The following ADK variants were observed in gnomAD, a reference collection of about 807,000 sequenced individuals.
ADK encodes N6,N6-dimethyladenosine kinase.
Under a neutral mutation model 44.7 loss-of-function variants are expected in ADK, and 24 were observed. That is an observed-to-expected ratio of 0.54 (90% CI 0.39 to 0.76). The LOEUF (loss-of-function observed/expected upper bound fraction) is 0.76. ADK is among the 30% of genes least tolerant of loss of function. The pLI is 0.00. For missense variants in ADK, 321 were observed against 425.1 expected (o/e 0.76, Z 2.15); for synonymous variants, 128 against 142.6 (o/e 0.90, Z 0.73).
At chr10:74,588,468 A>G (rs1851604128) in intron 7 of ADK, among the ~76,000 whole-genome samples, 1 of 152,190 alleles carries the variant, frequency 6.6e-6, no homozygotes, top group Admixed American at 6.5e-5. Context: ...GAATGTTTTC[A>G]GTTGCTTTCT....
At chr10:74,427,375 T>G (rs1045319501) in intron 6 of ADK, among the ~76,000 whole-genome samples, 5 of 152,084 alleles carry the variant, frequency 3.3e-5, no homozygotes, top group Non-Finnish European at 2.9e-5. Flanking sequence ...ATTTTTTGTA[T>G]TTTTAGTAGA....
chr10:74,528,992 T>C (rs1327432918), intron 7 of ADK, among the ~76,000 whole-genome samples: 1 of 152,174 alleles, frequency 6.6e-6, no homozygotes, highest in African/African-American at 2.4e-5. Flanking sequence ...TATTACCATA[T>C]GATCTAGCAG....
chr10:74,554,747 C>T (rs1850174603), intron 7 of ADK, among the ~76,000 whole-genome samples: 1 of 150,108 alleles, frequency 6.7e-6, no homozygotes, highest in South Asian at 2.1e-4. Flanking sequence ...GAGTTTGAGA[C>T]CAGCCTGGAC....
At chr10:74,187,306 TGATA>T (rs747725582) in intron 1 of ADK, among the ~76,000 whole-genome samples, 5 of 152,214 alleles carry the variant, frequency 3.3e-5, no homozygotes, top group Non-Finnish European at 7.3e-5. Context: ...ATTTATCACT[TGATA>T]GATATTTGGA....
chr10:74,230,570 A>G (rs7081350), intron 3 of ADK, among the ~76,000 whole-genome samples: 31,415 of 151,460 alleles, frequency 0.21, 4,401 homozygotes, highest in African/African-American at 0.4. Context: ...TTTAGAGATG[A>G]GGTCTCCTTA....
intron 2 of ADK, among the ~76,000 whole-genome samples, chr10:74,222,760 A>G (rs1844366255): frequency 6.6e-6 from 1 of 151,628 alleles, no homozygotes; most frequent in Admixed American, 6.6e-5. Flanking sequence ...CTATCACAAG[A>G]ACAAAAAACC....
At chr10:74,187,246 AT>A (rs1564580208) in intron 1 of ADK, among the ~76,000 whole-genome samples, 1 of 152,192 alleles carries the variant, frequency 6.6e-6, no homozygotes, top group Non-Finnish European at 1.5e-5. Context: ...CATTTCTGAA[AT>A]ATTATCACTG....
Position 74,328,283 on chromosome 10 carries a change from T to C in ADK, c.273+13538T>C, listed in dbSNP as rs375374348. On this transcript the variant is annotated intron_variant, in intron 4 of 10. Coordinates refer to ENST00000539909, the MANE Select transcript of ADK (RefSeq NM_006721.4). ...ATCCCACTATCAATTGTTGTAGTTATAATTATTTTTAATAGTTTTATCTTT... is the reference window on the plus strand; with the variant it reads ...ATCCCACTATCAATTGTTGTAGTTACAATTATTTTTAATAGTTTTATCTTT... 9.3e-4 allele frequency among the ~76,000 whole-genome samples: 141 copies of C among 152,338 alleles called. 1 individual carries two copies. Among genetic ancestry groups the C allele is most frequent in the African/African-American group, 3.2e-3 (131 of 41,576 alleles).
chr10:74,176,986 C>T (rs969656777), intron 1 of ADK: 2 of 1,509,752 alleles, frequency 1.3e-6, no homozygotes, highest in Non-Finnish European at 1.8e-6. Context: ...TGGAGCCTGC[C>T]TCCGCCTCTG....
At chr10:74,358,894 G>A (rs1347032313) in intron 4 of ADK, among the ~76,000 whole-genome samples, 1 of 152,040 alleles carries the variant, frequency 6.6e-6, no homozygotes, top group African/African-American at 2.4e-5. Context: ...CATAATGCTA[G>A]AAGAAACTAG....
At chr10:74,589,411 T>C in intron 8 of ADK, 94 bp downstream of exon 8, 1 of 1,286,414 alleles carries the variant, frequency 7.8e-7, no homozygotes, top group Non-Finnish European at 1.1e-6. Flanking sequence ...TGTGCTATTA[T>C]ACTCTCAGAG....
chr10:74,392,268 C>T (rs1843361925), intron 4 of ADK, among the ~76,000 whole-genome samples: 1 of 152,154 alleles, frequency 6.6e-6, no homozygotes, highest in Non-Finnish European at 1.5e-5. Context: ...TACCATGTTA[C>T]ATTTCCACCA....
chr10:74,270,390 T>C (rs1339741151), intron 3 of ADK, among the ~76,000 whole-genome samples: 1 of 152,238 alleles, frequency 6.6e-6, no homozygotes, highest in Non-Finnish European at 1.5e-5. Flanking sequence ...GTATTGCTTT[T>C]TGCAAATCTC....
chr10:74,628,787 G>A (rs139550527), intron 9 of ADK, among the ~76,000 whole-genome samples: 16 of 152,218 alleles, frequency 1.1e-4, no homozygotes, highest in African/African-American at 3.8e-4. Flanking sequence ...CTTCTAAGAA[G>A]AAAGGTTGTC....
intron 7 of ADK, among the ~76,000 whole-genome samples, chr10:74,563,880 T>TTTTA (rs527888003): frequency 0.01 from 1,545 of 152,142 alleles, 26 homozygotes; most frequent in African/African-American, 0.034. Context: ...TTGGCTTCTT[T>TTTTA]TTTATTTATT....
At chr10:74,180,924 C>G (rs1842531479) in intron 1 of ADK, among the ~76,000 whole-genome samples, 1 of 152,120 alleles carries the variant, frequency 6.6e-6, no homozygotes, top group Non-Finnish European at 1.5e-5. Flanking sequence ...ATGCATCCTA[C>G]CAGTGTTGTT....
At chr10:74,531,529 CTGTT>C (rs559385583) in intron 7 of ADK, among the ~76,000 whole-genome samples, 7 of 152,174 alleles carry the variant, frequency 4.6e-5, no homozygotes, top group Middle Eastern at 3.4e-3. Flanking sequence ...TAATTCTTTT[CTGTT>C]TGTTTGTTTG....
At chr10:74,583,971 A>G (rs1297725017) in intron 7 of ADK, among the ~76,000 whole-genome samples, 2 of 152,164 alleles carry the variant, frequency 1.3e-5, no homozygotes, top group Non-Finnish European at 2.9e-5. Flanking sequence ...ATTGCAACTT[A>G]TTTCTCCTAG....
chr10:74,527,976 A>G, intron 7 of ADK: 3 of 796,204 alleles, frequency 3.8e-6, no homozygotes, highest in Middle Eastern at 2.3e-4. Context: ...ATAAGAAAAA[A>G]TTATGGAAAA....
Sources: allele counts gnomAD v4.1 joint callset (sites outside exome capture counted in the v4.1 genomes callset), GRCh38; gene constraint gnomAD v4.1.1; transcripts MANE v1.5; gene names NCBI Gene and HGNC (gene_info 2026-07-23, HGNC 2026-07-21).